Variants in SLC5A8 observed in about 807,000 individuals in gnomAD.
The protein encoded by SLC5A8 is sodium-coupled monocarboxylate transporter 1.
A neutral mutation model predicts 71.9 loss-of-function variants in SLC5A8; 55 were observed. The observed-to-expected ratio is 0.77, with a 90% CI of 0.62 to 0.96. SLC5A8 has a LOEUF of 0.96. Among genes scored for constraint, SLC5A8 ranks in the 40% least tolerant of loss-of-function variants. SLC5A8 has a pLI of 0.00. For synonymous variants in SLC5A8, 307 were observed against 276.1 expected, an observed-to-expected ratio of 1.11 and a Z score of -1.11; for missense variants, 701 against 745.3, an observed-to-expected ratio of 0.94 and a Z score of 0.69.
rs767362595 is a variant in SLC5A8 at position 101,157,365 on chromosome 12, C to G, written c.1747G>C (p.Glu583Gln). The G allele has an allele frequency of 6.2e-7, 1 of 1,611,230 alleles. No individual in the cohort carries two copies. Among genetic ancestry groups the G allele is most frequent in the African/African-American group, 1.3e-5 (1 of 74,912 alleles). Reference protein sequence around the residue: ...HVLSYKSHPVEDGGTDNPAFN... With the variant: ...HVLSYKSHPVQDGGTDNPAFN... Reference sequence around the variant, plus strand: ...GCAGGATTATCAGTTCCACCATCTTCCACTGGATGTGATTTATAGCTCAAA... The same window carrying G: ...GCAGGATTATCAGTTCCACCATCTTGCACTGGATGTGATTTATAGCTCAAA... The change falls in exon 15 of 15, where the codon GAA (glutamate) becomes CAA (glutamine). Residue 583 changes from glutamate to glutamine, a missense_variant. Physicochemically the swap from Glu to Gln is conservative, Grantham distance 29. Transcript: ENST00000536262.
intron 7 of SLC5A8, among the ~76,000 whole-genome samples, chr12:101,184,989 G>C (rs1165912447): frequency 6.6e-6 from 1 of 152,194 alleles, no homozygotes; most frequent in East Asian, 1.9e-4. Flanking sequence ...CTCGAAGAGT[G>C]TCCTCTCATT....
chr12:101,180,038 A>G lies in SLC5A8; in HGVS notation c.1224T>C (p.Ala408=). Residue 408 remains alanine (A), a synonymous_variant, in exon 10 of 15, where the codon GCT becomes GCC. Transcript: ENST00000536262. ...GMAALASLMG[A]LLQAALSVFG... Reference sequence around the variant, plus strand: ...AGGGGCCAGCTCTCACCTGCAACAAAGCTCCCATAAGTGACGCCAGCGCAG... The same window carrying G: ...AGGGGCCAGCTCTCACCTGCAACAAGGCTCCCATAAGTGACGCCAGCGCAG... 6.2e-7 allele frequency: 1 copy of G among 1,614,020 alleles called. No individual in the cohort carries two copies. Among genetic ancestry groups the G allele is most frequent in the Middle Eastern group, 1.7e-4 (1 of 6,058 alleles).
chr12:101,168,088 G>A lies in SLC5A8; in HGVS notation c.1320+8C>T, dbSNP rs2051790081. 1 of 1,601,498 alleles carries A rather than the reference G, an allele frequency of 6.2e-7. No homozygotes were observed. The highest frequency in any genetic ancestry group is 8.5e-7 in the Non-Finnish European group (1 of 1,172,966). On this transcript the variant is annotated splice_region_variant and intron_variant, in intron 11 of 14. Transcript: ENST00000536262. ...TAATCCTCAAGCATATTCATTCTTT[G>A]TACTTACAATTGAGTTGGCAAAGGG...
At chr12:101,201,283 G>T (rs1869445669) in intron 3 of SLC5A8, among the ~76,000 whole-genome samples, 1 of 152,178 alleles carries the variant, frequency 6.6e-6, no homozygotes, top group South Asian at 2.1e-4. Flanking sequence ...TACACATGAA[G>T]TTCCTCTTGG....
At chr12:101,180,233 G>C (rs1217179821) in intron 9 of SLC5A8, 137 bp from the exon 10 acceptor site, 2 of 848,236 alleles carry the variant, frequency 2.4e-6, no homozygotes, top group Non-Finnish European at 2.0e-6. Context: ...ATCAGAGCCA[G>C]TGAATAAAGG....
intron 3 of SLC5A8, among the ~76,000 whole-genome samples, chr12:101,196,677 TA>T (rs1458436720): frequency 2.0e-5 from 3 of 152,178 alleles, no homozygotes; most frequent in Non-Finnish European, 2.9e-5. Flanking sequence ...TAATTTAACA[TA>T]CATTCCTACT....
At chr12:101,197,545 A>C (rs1869238761) in intron 3 of SLC5A8, among the ~76,000 whole-genome samples, 1 of 152,168 alleles carries the variant, frequency 6.6e-6, no homozygotes, top group Non-Finnish European at 1.5e-5. Flanking sequence ...CCCCATACAG[A>C]TGTAATTGTT....
rs1025466071 is a variant in SLC5A8 at position 101,210,039 on chromosome 12, A to T, written c.-191T>A. The T allele has an allele frequency of 2.0e-6, 1 of 503,478 alleles. No homozygotes were observed. Among genetic ancestry groups the T allele is most frequent in the African/African-American group, 2.0e-5 (1 of 49,010 alleles). The allele number at this position is 503,478 out of a possible 1,614,324, so 31.2% of individuals were successfully genotyped here. A position where few individuals can be genotyped will look rare whatever the true frequency, so the allele number is the denominator to read the frequency against. On this transcript the variant is annotated 5_prime_UTR_variant, in exon 1 of 15. Coordinates refer to ENST00000536262, the MANE Select transcript of SLC5A8 (RefSeq NM_145913.5). ...GGTGAGGGCTGGCAGTCGCCCCTGC[A>T]CCCGCCGCTGCGAGCCGCGCCCCTC...
At chr12:101,185,458 G>A (rs982857177) in intron 7 of SLC5A8, among the ~76,000 whole-genome samples, 1 of 152,200 alleles carries the variant, frequency 6.6e-6, no homozygotes, top group African/African-American at 2.4e-5. Flanking sequence ...AATGAAATAG[G>A]ATTGATGGAG....
At chr12:101,200,683 T>C (rs1869422010) in intron 3 of SLC5A8, among the ~76,000 whole-genome samples, 1 of 152,108 alleles carries the variant, frequency 6.6e-6, no homozygotes, top group Admixed American at 6.5e-5. Flanking sequence ...CATACTGAAA[T>C]ACAGATGAAA....
chr12:101,192,145 T>C (rs542486527), intron 5 of SLC5A8, among the ~76,000 whole-genome samples: 28 of 152,306 alleles, frequency 1.8e-4, no homozygotes, highest in African/African-American at 5.3e-4. Flanking sequence ...ATAGTCTCAA[T>C]TGACGATCAG....
At chr12:101,198,128 A>G (rs1869272122) in intron 3 of SLC5A8, among the ~76,000 whole-genome samples, 1 of 152,030 alleles carries the variant, frequency 6.6e-6, no homozygotes, top group Admixed American at 6.5e-5. Flanking sequence ...TGAGAACTAA[A>G]TAAAAACACA....
chr12:101,183,548 AT>A (rs1351178373), intron 8 of SLC5A8, among the ~76,000 whole-genome samples: 1 of 152,068 alleles, frequency 6.6e-6, no homozygotes, highest in African/African-American at 2.4e-5. Flanking sequence ...TTTAAAATGT[AT>A]TTTTCTTTGT....
intron 3 of SLC5A8, among the ~76,000 whole-genome samples, chr12:101,196,491 T>C (rs1869184275): frequency 2.0e-5 from 3 of 152,258 alleles, no homozygotes; most frequent in Middle Eastern, 3.4e-3. Context: ...TTTAAACATA[T>C]TTTGATGTAT....
intron 12 of SLC5A8, among the ~76,000 whole-genome samples, chr12:101,164,571 C>G (rs114683424): frequency 6.6e-6 from 1 of 152,138 alleles, no homozygotes; most frequent in African/African-American, 2.4e-5. Flanking sequence ...TCCTAAGATG[C>G]CCTGATTCTT....
intron 5 of SLC5A8, among the ~76,000 whole-genome samples, chr12:101,192,474 A>G (rs2671436): frequency 0.51 from 77,081 of 151,960 alleles, 21,216 homozygotes; most frequent in African/African-American, 0.72. Context: ...AGATAGGCTA[A>G]TTCAAGACAA....
chr12:101,192,679 G>A (rs140776992), intron 5 of SLC5A8, among the ~76,000 whole-genome samples: 1 of 152,152 alleles, frequency 6.6e-6, no homozygotes, highest in Non-Finnish European at 1.5e-5. Flanking sequence ...TTGAAGCATA[G>A]ACTGTAACTT....
chr12:101,192,902 CTTT>C (rs546151360), intron 5 of SLC5A8, among the ~76,000 whole-genome samples: 1 of 139,774 alleles, frequency 7.2e-6, no homozygotes, highest in African/African-American at 2.6e-5. Flanking sequence ...GTCTCTGTCT[CTTT>C]TTTTTTTTTA....
chr12:101,181,823 A>C (rs1868375945), intron 9 of SLC5A8, among the ~76,000 whole-genome samples: 2 of 152,202 alleles, frequency 1.3e-5, no homozygotes, highest in Non-Finnish European at 2.9e-5. Flanking sequence ...AAAATGATGC[A>C]TTGCTATTTA....
Sources: allele counts gnomAD v4.1 joint callset (sites outside exome capture counted in the v4.1 genomes callset), GRCh38; gene constraint gnomAD v4.1.1; transcripts MANE v1.5; gene names NCBI Gene and HGNC (gene_info 2026-07-23, HGNC 2026-07-21).